The following DIAPH3 variants were observed in gnomAD, a reference collection of about 807,000 sequenced individuals.
DIAPH3 encodes diaphanous related formin 3.
A neutral mutation model predicts 144.3 loss-of-function variants in DIAPH3; 117 were observed. The ratio of observed to expected loss-of-function variants is 0.81; its 90% CI spans 0.70 to 0.95. DIAPH3 has a LOEUF of 0.95. Among genes scored for constraint, DIAPH3 ranks in the 40% least tolerant of loss-of-function variants. DIAPH3 has a pLI of 0.00. For synonymous variants in DIAPH3, 519 were observed against 488.9 expected, an observed-to-expected ratio of 1.06 and a Z score of -0.81; for missense variants, 1,421 against 1,412.7, an observed-to-expected ratio of 1.01 and a Z score of -0.09.
chr13:59,821,467 T>C (rs936972835), intron 24 of DIAPH3, among the ~76,000 whole-genome samples: 2 of 152,114 alleles, frequency 1.3e-5, no homozygotes, highest in Non-Finnish European at 2.9e-5. Flanking sequence ...CTCATACATA[T>C]TCCTGTAGTG....
intron 25 of DIAPH3, among the ~76,000 whole-genome samples, chr13:59,799,375 G>GCACACACACACACACA (rs56979042): frequency 7.2e-6 from 1 of 139,248 alleles, no homozygotes; most frequent in Non-Finnish European, 1.6e-5. Context: ...CTGGAAATAT[G>GCACACACACACACACA]CACACACACA....
chr13:59,966,163 T>C (rs1229776194), intron 17 of DIAPH3, among the ~76,000 whole-genome samples: 1 of 152,138 alleles, frequency 6.6e-6, no homozygotes, highest in Non-Finnish European at 1.5e-5. Flanking sequence ...TTAGAGAGGA[T>C]TCCTATTCCT....
At chr13:59,938,668 C>T (rs980521181) in intron 17 of DIAPH3, among the ~76,000 whole-genome samples, 11 of 151,908 alleles carry the variant, frequency 7.2e-5, no homozygotes, top group African/African-American at 2.4e-4. Flanking sequence ...TTCCACTGTA[C>T]CATCTAACTG....
chr13:59,748,828 T>C (rs1168312960), intron 27 of DIAPH3, among the ~76,000 whole-genome samples: 1 of 152,184 alleles, frequency 6.6e-6, no homozygotes, highest in Non-Finnish European at 1.5e-5. Context: ...TTGGTGGTAA[T>C]CTGACAGCAT....
chr13:59,848,617 T>A (rs2042806840), intron 22 of DIAPH3, among the ~76,000 whole-genome samples: 1 of 131,416 alleles, frequency 7.6e-6, no homozygotes. Context: ...ATTTCCAATT[T>A]CATCCATGTC....
intron 27 of DIAPH3, among the ~76,000 whole-genome samples, chr13:59,683,771 T>G (rs2033070949): frequency 6.6e-6 from 1 of 152,212 alleles, no homozygotes; most frequent in Non-Finnish European, 1.5e-5. Flanking sequence ...TAACCTCTTT[T>G]TACTTTCCTT....
At chr13:59,994,378 C>A (rs1334563802) in intron 9 of DIAPH3, among the ~76,000 whole-genome samples, 5 of 151,842 alleles carry the variant, frequency 3.3e-5, no homozygotes, top group Admixed American at 3.3e-4. Context: ...GAGATACATA[C>A]CTGCGGTATC....
intron 17 of DIAPH3, among the ~76,000 whole-genome samples, chr13:59,934,504 C>A (rs1450340574): frequency 6.6e-6 from 1 of 152,000 alleles, no homozygotes; most frequent in Non-Finnish European, 1.5e-5. Context: ...ATGAAAAACA[C>A]CAGTCCCTGA....
At chr13:59,688,945 A>G (rs2033361159) in intron 27 of DIAPH3, among the ~76,000 whole-genome samples, 1 of 152,132 alleles carries the variant, frequency 6.6e-6, no homozygotes, top group South Asian at 2.1e-4. Context: ...ATTATGTTGG[A>G]AATTTCACAT....
chr13:59,749,006 G>C (rs1428472912), intron 27 of DIAPH3, among the ~76,000 whole-genome samples: 2 of 151,908 alleles, frequency 1.3e-5, no homozygotes, highest in East Asian at 3.9e-4. Flanking sequence ...TTGAGGTCAG[G>C]AGTTCGAGAC....
chr13:59,701,002 A>G (rs1356046858), intron 27 of DIAPH3, among the ~76,000 whole-genome samples: 1 of 152,146 alleles, frequency 6.6e-6, no homozygotes, highest in African/African-American at 2.4e-5. Context: ...TTATTTTAGT[A>G]TTAGAAGATT....
intron 1 of DIAPH3, among the ~76,000 whole-genome samples, chr13:60,149,681 A>G (rs912250704): frequency 6.9e-6 from 1 of 144,692 alleles, no homozygotes; most frequent in African/African-American, 2.6e-5. Flanking sequence ...TGAGCCCAAG[A>G]GGTGAAGGCT....
At chr13:59,731,622 A>G (rs567579076) in intron 27 of DIAPH3, among the ~76,000 whole-genome samples, 2 of 152,314 alleles carry the variant, frequency 1.3e-5, no homozygotes, top group East Asian at 3.9e-4. Flanking sequence ...AATTACACTG[A>G]TCACCACAGT....
chr13:59,702,544 C>T lies in DIAPH3; in HGVS notation c.3320-35698G>A, dbSNP rs528933571. ...CACACAAACCTTCCCTGACCTTTCA[C>T]ACTGCACTTACAAAGGCATTACATG... On this transcript the variant is annotated intron_variant, in intron 27 of 27. Coordinates refer to ENST00000400324, the MANE Select transcript of DIAPH3 (RefSeq NM_001042517.2). Among the ~76,000 whole-genome samples the T allele has an allele frequency of 7.2e-5, 11 of 152,308 alleles. No individual in the cohort carries two copies. In the South Asian group the frequency reaches 1.7e-3, roughly 23 times the overall value.
intron 27 of DIAPH3, among the ~76,000 whole-genome samples, chr13:59,756,541 G>C (rs1427172447): frequency 7.2e-6 from 1 of 139,422 alleles, no homozygotes; most frequent in African/African-American, 2.6e-5. Context: ...AGGGAGGGAG[G>C]GAGGGAGGGA....
At chr13:59,992,834 C>T (rs1279912820) in intron 9 of DIAPH3, among the ~76,000 whole-genome samples, 2 of 129,004 alleles carry the variant, frequency 1.6e-5, no homozygotes, top group Non-Finnish European at 3.2e-5. Context: ...ACTACTGCTC[C>T]ATAAAAAAAT....
intron 7 of DIAPH3, among the ~76,000 whole-genome samples, chr13:60,010,932 C>T (rs1397369208): frequency 6.6e-6 from 1 of 151,618 alleles, no homozygotes; most frequent in Admixed American, 6.6e-5. Context: ...ATGGAGAAAC[C>T]CCCTCTCTAC....
At chr13:59,898,828 T>C (rs1432852444) in intron 20 of DIAPH3, among the ~76,000 whole-genome samples, 2 of 152,152 alleles carry the variant, frequency 1.3e-5, no homozygotes, top group Non-Finnish European at 2.9e-5. Context: ...GGATGCAAAG[T>C]ATTGTTCCTG....
At chr13:59,701,698 CAAAT>C (rs895061610) in intron 27 of DIAPH3, among the ~76,000 whole-genome samples, 14 of 152,204 alleles carry the variant, frequency 9.2e-5, no homozygotes, top group African/African-American at 3.1e-4. Context: ...ATTAGATTCT[CAAAT>C]GAATGGGGAA....
Sources: allele counts gnomAD v4.1 joint callset (sites outside exome capture counted in the v4.1 genomes callset), GRCh38; gene constraint gnomAD v4.1.1; transcripts MANE v1.5; gene names NCBI Gene and HGNC (gene_info 2026-07-23, HGNC 2026-07-21).